Variants in CPNE5 observed in about 807,000 individuals in gnomAD.
The protein encoded by CPNE5 is copine-5.
A neutral mutation model predicts 81.1 loss-of-function variants in CPNE5; 42 were observed. The ratio of observed to expected loss-of-function variants is 0.52; its 90% CI spans 0.40 to 0.67. The LOEUF (loss-of-function observed/expected upper bound fraction) is 0.67, where lower values mean the gene tolerates loss of function less well. Ranked by LOEUF, CPNE5 falls within the 30% of genes least tolerant of loss-of-function variation. The probability of loss-of-function intolerance (pLI) is 0.00; values close to 1 mark genes in which losing one functional copy is unlikely to be tolerated. For missense variants in CPNE5, 612 were observed against 815.5 expected, an observed-to-expected ratio of 0.75 and a Z score of 3.04; for synonymous variants, 313 against 321.5, an observed-to-expected ratio of 0.97 and a Z score of 0.28.
rs1461506539 is a variant in CPNE5 at position 36,745,504 on chromosome 6, C to T, written c.1212G>A (p.Gln404=). The change falls in exon 17 of 21, where the codon CAG becomes CAA. Residue 404 remains glutamine (Q), a synonymous_variant. Transcript: ENST00000244751. Reference sequence around the variant, plus strand: ...CGATGCCACAGCATGAGGGGTTCTCCTGGTTGCCATTCTGGGGGACAGAGG... The same window carrying T: ...CGATGCCACAGCATGAGGGGTTCTCTTGGTTGCCATTCTGGGGGACAGAGG... ...VSHEFPLNGN[Q]ENPSCCGIDG... The T allele has an allele frequency of 3.1e-6, 5 of 1,599,502 alleles. No individual in the cohort carries two copies. The highest frequency in any genetic ancestry group is 4.3e-6 in the Non-Finnish European group (5 of 1,173,426).
chr6:36,759,512 G>T (rs1765817953), intron 12 of CPNE5, among the ~76,000 whole-genome samples: 1 of 151,924 alleles, frequency 6.6e-6, no homozygotes, highest in African/African-American at 2.4e-5. Context: ...GCTGGCTCTG[G>T]GGATGCAGCA....
intron 8 of CPNE5, among the ~76,000 whole-genome samples, chr6:36,788,678 T>G: frequency 6.6e-6 from 1 of 151,070 alleles, no homozygotes; most frequent in African/African-American, 2.4e-5. Flanking sequence ...GTAACAATCG[T>G]TTTACTGCTG....
At chr6:36,783,040 C>A (rs2150480534) in intron 8 of CPNE5, among the ~76,000 whole-genome samples, 1 of 152,246 alleles carries the variant, frequency 6.6e-6, no homozygotes. Context: ...TGTGTCACAT[C>A]CTGGTCCACA....
chr6:36,813,564 G>A (rs1771288509), intron 3 of CPNE5, among the ~76,000 whole-genome samples: 1 of 152,172 alleles, frequency 6.6e-6, no homozygotes, highest in South Asian at 2.1e-4. Flanking sequence ...AAGTAGCTTA[G>A]CATCACACTT....
At position 36,798,439 on chromosome 6, in the gene CPNE5, T is replaced by C. The variant is rs1401119030; in HGVS notation, c.327+16A>G. 1.2e-6 allele frequency: 2 copies of C among 1,613,296 alleles called. No individual in the cohort carries two copies. The highest frequency in any genetic ancestry group is 1.7e-6 in the Non-Finnish European group (2 of 1,179,226). On this transcript the variant is annotated intron_variant, in intron 5 of 20. Coordinates refer to ENST00000244751, the MANE Select transcript of CPNE5 (RefSeq NM_020939.2). ...AGAAACTATGGAATTGCTGAGCAGT[T>C]ACTGGCAGAACTCACGTGTTTGGAT...
chr6:36,750,160 G>A (rs184553031), intron 14 of CPNE5, among the ~76,000 whole-genome samples: 40 of 152,328 alleles, frequency 2.6e-4, no homozygotes, highest in African/African-American at 9.1e-4. Flanking sequence ...CTCTGTTCTA[G>A]TAATTCTTAG....
rs893559921 is a variant in CPNE5 at position 36,757,329 on chromosome 6, C to T, written c.856-1031G>A. On this transcript the variant is annotated intron_variant, in intron 12 of 20. Coordinates refer to ENST00000244751, the MANE Select transcript of CPNE5 (RefSeq NM_020939.2). ...TTTCTGGTGAACTCATTTCCCCTTT[C>T]CCTGTCTTTGTTCCCACAGAGGCCG... 1.7e-5 allele frequency: 17 copies of T among 985,334 alleles called. No individual in the cohort carries two copies. The African/African-American group carries it at 2.8e-4, about 16-fold the overall frequency. 61.0% of individuals were successfully genotyped at this position (985,334 alleles called of 1,614,324 possible).
In CPNE5 at chr6:36,822,294, G is replaced by T. The variant is rs1161488330; in HGVS notation, c.137-134C>A. The T allele has an allele frequency of 6.7e-6, 4 of 597,192 alleles. No homozygotes were observed. The Admixed American group carries it at 1.1e-4, about 16-fold the overall frequency. The allele number at this position is 597,192 out of a possible 1,614,324, so 37.0% of individuals were successfully genotyped here. ...GTAGCACTGTTGGATCTGGGTAGGG[G>T]TAGAGGGTGTCTCCTGGGGTGGCTG... On this transcript the variant is annotated intron_variant, in intron 2 of 20. Coordinates refer to ENST00000244751, the MANE Select transcript of CPNE5 (RefSeq NM_020939.2).
intron 1 of CPNE5, among the ~76,000 whole-genome samples, chr6:36,824,410 A>T (rs983058059): frequency 2.0e-5 from 3 of 150,538 alleles, no homozygotes; most frequent in African/African-American, 7.3e-5. Flanking sequence ...TTCCCCTGTA[A>T]GCTGCCAGAC....
chr6:36,820,839 C>A lies in CPNE5; in HGVS notation c.183+1275G>T, dbSNP rs549360155. Among the ~76,000 whole-genome samples the A allele has an allele frequency of 1.9e-4, 29 of 151,982 alleles. 1 individual carries two copies. The stretch of plus-strand genomic sequence containing the variant: ...TGGCATGTGCCTGCAGTCCTAAATA[C>A]CCGAAGCTGAGGCCGGAGGATCGTT... On this transcript the variant is annotated intron_variant, in intron 3 of 20. Transcript: ENST00000244751.
At chr6:36,806,353 T>A (rs1770590179) in intron 3 of CPNE5, among the ~76,000 whole-genome samples, 1 of 152,078 alleles carries the variant, frequency 6.6e-6, no homozygotes, top group South Asian at 2.1e-4. Context: ...AGACAGAGGT[T>A]GGGGTATTTC....
rs572812440 is a variant in CPNE5, at chr6:36,772,913, C to T, written c.737+2048G>A. Among the ~76,000 whole-genome samples the T allele has an allele frequency of 7.6e-4, 115 of 152,168 alleles. 1 individual carries two copies. Among genetic ancestry groups the T allele is most frequent in the Non-Finnish European group, 1.3e-3 (89 of 68,006 alleles). Reference sequence around the variant, plus strand: ...GGAGTGCAGTGGTGCAATCATAGCTCATTGCAGCCTTGAACTCCTGGGCTC... The same window carrying T: ...GGAGTGCAGTGGTGCAATCATAGCTTATTGCAGCCTTGAACTCCTGGGCTC... On this transcript the variant is annotated intron_variant, in intron 10 of 20. Coordinates refer to ENST00000244751, the MANE Select transcript of CPNE5 (RefSeq NM_020939.2).
intron 1 of CPNE5, among the ~76,000 whole-genome samples, chr6:36,828,308 C>CAAAAAAAAAAAAAAAAAAAAA (rs11444450): frequency 6.4e-5 from 5 of 78,648 alleles, no homozygotes; most frequent in African/African-American, 9.5e-5. Flanking sequence ...AACAACAAAC[C>CAAAAAAAAAAAAAAAAAAAAA]AAAAAAAAAA....
At chr6:36,764,779 C>T (rs375880829) in intron 11 of CPNE5, among the ~76,000 whole-genome samples, 18 of 152,150 alleles carry the variant, frequency 1.2e-4, no homozygotes, top group African/African-American at 4.1e-4. Context: ...CTCTCCCTTC[C>T]CACAGCCCAT....
At chr6:36,777,122 T>A (rs970659105) in intron 9 of CPNE5, among the ~76,000 whole-genome samples, 4 of 151,968 alleles carry the variant, frequency 2.6e-5, no homozygotes, top group African/African-American at 9.7e-5. Flanking sequence ...TCAGACCAGT[T>A]CCCCTGCTGC....
intron 14 of CPNE5, among the ~76,000 whole-genome samples, chr6:36,750,197 G>A (rs77463948): frequency 0.082 from 12,475 of 152,258 alleles, 633 homozygotes; most frequent in Non-Finnish European, 0.11. Flanking sequence ...TGTAAGATCA[G>A]GTAGGCCTCA....
chr6:36,789,970 T>C (rs1374686385), intron 8 of CPNE5, among the ~76,000 whole-genome samples: 1 of 152,182 alleles, frequency 6.6e-6, no homozygotes, highest in East Asian at 1.9e-4. Context: ...ATCGATTCTG[T>C]GTTCGTGTGT....
intron 3 of CPNE5, among the ~76,000 whole-genome samples, chr6:36,810,781 C>A (rs915163430): frequency 1.3e-5 from 2 of 152,178 alleles, no homozygotes; most frequent in Non-Finnish European, 2.9e-5. Context: ...GGGAGTGAGC[C>A]ATGACCTTGG....
intron 3 of CPNE5, among the ~76,000 whole-genome samples, chr6:36,814,423 A>G (rs924584698): frequency 6.6e-6 from 1 of 152,268 alleles, no homozygotes; most frequent in African/African-American, 2.4e-5. Flanking sequence ...TCACAGATTT[A>G]GGTTCAAAAA....
Sources: gnomAD v4.1 joint callset for allele counts (sites outside exome capture counted in the v4.1 genomes callset) on GRCh38, gnomAD v4.1.1 for gene constraint, MANE v1.5 for transcripts, NCBI Gene and HGNC (gene_info 2026-07-23, HGNC 2026-07-21) for gene names.